The following DEPDC1B variants were observed in gnomAD, a reference collection of about 807,000 sequenced individuals.
DEPDC1B encodes the protein DEP domain-containing protein 1B.
Under a neutral mutation model 66.5 loss-of-function variants are expected in DEPDC1B, and 51 were observed. The observed-to-expected ratio is 0.77, with a 90% CI of 0.61 to 0.97. The LOEUF (loss-of-function observed/expected upper bound fraction) is 0.97, where lower values mean the gene tolerates loss of function less well. Among genes scored for constraint, DEPDC1B ranks in the 50% least tolerant of loss-of-function variants. The probability of loss-of-function intolerance (pLI) is 0.00; values close to 1 mark genes in which losing one functional copy is unlikely to be tolerated. For synonymous variants in DEPDC1B, 226 were observed against 223.6 expected, an observed-to-expected ratio of 1.01 and a Z score of -0.10; for missense variants, 552 against 637.1, an observed-to-expected ratio of 0.87 and a Z score of 1.44.
chr5:60,599,427 T>G (rs1561352433), intron 9 of DEPDC1B, among the ~76,000 whole-genome samples, 167 bp from the exon 10 acceptor site: 1 of 152,216 alleles, frequency 6.6e-6, no homozygotes, highest in Non-Finnish European at 1.5e-5. Context: ...AGTATTTCCA[T>G]AACTTCAAAA....
chr5:60,603,618 C>G, intron 8 of DEPDC1B, 51 bp from the exon 9 acceptor site: 1 of 1,508,010 alleles, frequency 6.6e-7, no homozygotes, highest in East Asian at 2.3e-5. Context: ...TTTTTCTGAA[C>G]TGAGTGCAAT....
chr5:60,676,735 G>A (rs533296004), intron 2 of DEPDC1B, among the ~76,000 whole-genome samples: 10 of 151,812 alleles, frequency 6.6e-5, no homozygotes, highest in African/African-American at 1.2e-4. Context: ...CTCCTCCTCC[G>A]TCTCCTTCCC....
At chr5:60,665,105 T>C (rs543752191) in intron 2 of DEPDC1B, among the ~76,000 whole-genome samples, 43 of 152,244 alleles carry the variant, frequency 2.8e-4, no homozygotes, top group Admixed American at 2.1e-3. Context: ...TAATCCCCTC[T>C]GGGAAACCAA....
chr5:60,674,123 TA>T (rs879496977), intron 2 of DEPDC1B, among the ~76,000 whole-genome samples: 209 of 145,020 alleles, frequency 1.4e-3, no homozygotes, highest in Non-Finnish European at 9.6e-4. Context: ...GTAAGGATAT[TA>T]AAAAAAAAAA....
chr5:60,639,753 T>C (rs1584054334), intron 6 of DEPDC1B, among the ~76,000 whole-genome samples: 2 of 152,344 alleles, frequency 1.3e-5, no homozygotes, highest in African/African-American at 4.8e-5. Context: ...TGGAGCTGCC[T>C]GTACCTTGAG....
intron 2 of DEPDC1B, among the ~76,000 whole-genome samples, chr5:60,661,487 C>T (rs1474835469): frequency 6.6e-6 from 1 of 152,110 alleles, no homozygotes; most frequent in African/African-American, 2.4e-5. Flanking sequence ...GGCAAAAATG[C>T]CCTTAAGATG....
At chr5:60,618,432 G>A (rs1752617869) in intron 7 of DEPDC1B, among the ~76,000 whole-genome samples, 2 of 151,938 alleles carry the variant, frequency 1.3e-5, no homozygotes, top group South Asian at 2.1e-4. Flanking sequence ...TCAAATAGAT[G>A]CAATAAAAAA....
At chr5:60,669,784 G>A (rs894989155) in intron 2 of DEPDC1B, among the ~76,000 whole-genome samples, 45 of 152,106 alleles carry the variant, frequency 3.0e-4, no homozygotes, top group African/African-American at 1.0e-3. Context: ...AGGATCAAGT[G>A]AGCATTTTTA....
intron 7 of DEPDC1B, among the ~76,000 whole-genome samples, chr5:60,635,162 G>A (rs1164147420): frequency 6.6e-6 from 1 of 151,682 alleles, no homozygotes; most frequent in Non-Finnish European, 1.5e-5. Context: ...AAAGCCCTCT[G>A]TCTGGTCAAG....
At chr5:60,669,639 G>A (rs1308142869) in intron 2 of DEPDC1B, among the ~76,000 whole-genome samples, 1 of 152,200 alleles carries the variant, frequency 6.6e-6, no homozygotes, top group East Asian at 1.9e-4. Flanking sequence ...CTTTCTGAAA[G>A]TATGTCAGGA....
intron 1 of DEPDC1B, among the ~76,000 whole-genome samples, chr5:60,693,577 G>GA (rs927815021): frequency 6.6e-6 from 1 of 152,070 alleles, no homozygotes; most frequent in Non-Finnish European, 1.5e-5. Context: ...TCTAGAGCTG[G>GA]AAAAAATCTT....
At chr5:60,647,052 C>A (rs1186264184) in intron 3 of DEPDC1B, among the ~76,000 whole-genome samples, 1 of 152,040 alleles carries the variant, frequency 6.6e-6, no homozygotes, top group Non-Finnish European at 1.5e-5. Flanking sequence ...ATAAAATGCA[C>A]AATAAATGTA....
At chr5:60,617,258 T>C (rs1210481896) in intron 7 of DEPDC1B, among the ~76,000 whole-genome samples, 2 of 152,208 alleles carry the variant, frequency 1.3e-5, no homozygotes, top group Admixed American at 1.3e-4. Context: ...GCTAACATCA[T>C]AATGACAGGA....
chr5:60,638,829 T>C lies in DEPDC1B; in HGVS notation c.819A>G (p.Lys273=). 6.2e-7 allele frequency: 1 copy of C among 1,613,294 alleles called. No homozygotes were observed. Among genetic ancestry groups the C allele is most frequent in the Non-Finnish European group, 8.5e-7 (1 of 1,179,612 alleles). ...MYLGFEKDVF[K]TIADYYGHLK... ...AGTGACCATAGTAATCAGCTATGGT[T>C]TTAAAGACATCTTTTTCAAATCCCA... Residue 273 remains lysine, a synonymous_variant, in exon 7 of 11, where the codon AAA becomes AAG. Transcript: ENST00000265036.
At chr5:60,624,105 T>C (rs1206197343) in intron 7 of DEPDC1B, among the ~76,000 whole-genome samples, 3 of 152,158 alleles carry the variant, frequency 2.0e-5, no homozygotes, top group Non-Finnish European at 4.4e-5. Flanking sequence ...TCTACCACCA[T>C]TAAGAAAAAT....
At chr5:60,654,928 T>C (rs1432974818) in intron 2 of DEPDC1B, among the ~76,000 whole-genome samples, 1 of 149,216 alleles carries the variant, frequency 6.7e-6, no homozygotes, top group Non-Finnish European at 1.5e-5. Context: ...ATATCACATT[T>C]ATTGACTTGC....
chr5:60,600,234 C>T (rs1752177346), intron 9 of DEPDC1B, among the ~76,000 whole-genome samples: 1 of 151,882 alleles, frequency 6.6e-6, no homozygotes. Context: ...TCAAGTAAAA[C>T]AACAAAGGTG....
intron 7 of DEPDC1B, among the ~76,000 whole-genome samples, chr5:60,616,381 T>C (rs1752555057): frequency 6.6e-6 from 1 of 151,418 alleles, no homozygotes; most frequent in African/African-American, 2.4e-5. Context: ...GGCAAAGAAG[T>C]TAAAAACCTT....
intron 2 of DEPDC1B, among the ~76,000 whole-genome samples, chr5:60,648,649 T>G (rs1584063465): frequency 6.6e-6 from 1 of 152,206 alleles, no homozygotes; most frequent in East Asian, 1.9e-4. Context: ...TGGAGAAAAG[T>G]TGCATTTCAT....
Sources: allele counts gnomAD v4.1 joint callset (sites outside exome capture counted in the v4.1 genomes callset), GRCh38; gene constraint gnomAD v4.1.1; transcripts MANE v1.5; gene names NCBI Gene and HGNC (gene_info 2026-07-23, HGNC 2026-07-21).